Variants in CREBL2 observed in about 807,000 individuals in gnomAD.
CREBL2 encodes cAMP-responsive element-binding protein-like 2.
A neutral mutation model predicts 19.5 loss-of-function variants in CREBL2; 4 were observed. The observed-to-expected ratio is 0.20, with a 90% confidence interval of 0.10 to 0.47. The LOEUF is 0.47. Ranked by LOEUF, CREBL2 falls within the 20% of genes least tolerant of loss-of-function variation. CREBL2 has a pLI of 0.98. For synonymous variants in CREBL2, 42 were observed against 46.6 expected (o/e 0.90, Z 0.40); for missense variants, 85 against 145.1 (o/e 0.59, Z 2.13).
chr12:12,637,550 TA>T lies in CREBL2; in HGVS notation c.214-16del. On this transcript the variant is annotated intron_variant, in intron 2 of 3. Transcript: ENST00000228865. The stretch of plus-strand genomic sequence containing the variant: ...TATGTTTTAAATTTATATTTATATT[TA>T]AAATTAAATATGTTTCAGTACAAGC... 1 of 1,307,108 alleles carries T rather than the reference TA, an allele frequency of 7.7e-7. No homozygotes were observed. The highest frequency in any genetic ancestry group is 9.8e-7 in the Non-Finnish European group (1 of 1,015,548). The allele number at this position is 1,307,108 out of a possible 1,614,324, so 81.0% of individuals were successfully genotyped here. A position where few individuals can be genotyped will look rare whatever the true frequency, so the allele number is the denominator to read the frequency against.
chr12:12,627,365 A>G (rs966684013), intron 1 of CREBL2, among the ~76,000 whole-genome samples: 25 of 152,220 alleles, frequency 1.6e-4, no homozygotes, highest in Non-Finnish European at 8.8e-5. Flanking sequence ...TGATTTAAAA[A>G]AGAAAAAAAG....
intron 1 of CREBL2, among the ~76,000 whole-genome samples, chr12:12,635,099 G>A (rs1213840562): frequency 6.6e-6 from 1 of 151,928 alleles, no homozygotes; most frequent in African/African-American, 2.4e-5. Flanking sequence ...CTGGCACCAT[G>A]GCTTACTCCT....
intron 1 of CREBL2, among the ~76,000 whole-genome samples, chr12:12,617,676 T>TTTTTTTTTTTTTTTC (rs1945322182): frequency 7.9e-6 from 1 of 127,094 alleles, no homozygotes; most frequent in Non-Finnish European, 1.7e-5. Context: ...TTTTTTTTTT[T>TTTTTTTTTTTTTTTC]TTTTTAGTAT....
intron 3 of CREBL2, among the ~76,000 whole-genome samples, chr12:12,641,730 C>G (rs1309445665): frequency 1.3e-5 from 2 of 152,108 alleles, no homozygotes; most frequent in Non-Finnish European, 1.5e-5. Context: ...ATATCAGACT[C>G]CACCACTATA....
At chr12:12,637,233 T>A (rs1286658320) in intron 2 of CREBL2, among the ~76,000 whole-genome samples, 1 of 148,772 alleles carries the variant, frequency 6.7e-6, no homozygotes. Context: ...TGACAATTAT[T>A]AAAAAAAAAA....
chr12:12,637,848 C>A, intron 3 of CREBL2, 134 bp downstream of exon 3: 3 of 964,610 alleles, frequency 3.1e-6, no homozygotes, highest in South Asian at 2.8e-5. Context: ...CAAGACCAGA[C>A]AGGGCAACAT....
intron 1 of CREBL2, among the ~76,000 whole-genome samples, chr12:12,631,442 GA>G (rs2136304435): frequency 6.6e-6 from 1 of 152,190 alleles, no homozygotes; most frequent in African/African-American, 2.4e-5. Flanking sequence ...ATTAGAACAG[GA>G]AAAAAAGCTA....
At chr12:12,617,087 A>T (rs988207288) in intron 1 of CREBL2, among the ~76,000 whole-genome samples, 1 of 152,196 alleles carries the variant, frequency 6.6e-6, no homozygotes, top group South Asian at 2.1e-4. Flanking sequence ...AGCTGGCTGG[A>T]GTGAGAGCAG....
At chr12:12,618,654 C>G (rs1235123078) in intron 1 of CREBL2, among the ~76,000 whole-genome samples, 4 of 152,200 alleles carry the variant, frequency 2.6e-5, no homozygotes, top group Non-Finnish European at 5.9e-5. Context: ...GCTGCAGTCT[C>G]GGCACTTTGG....
intron 1 of CREBL2, among the ~76,000 whole-genome samples, chr12:12,613,934 C>G (rs1171653997): frequency 2.0e-5 from 2 of 98,414 alleles, no homozygotes; most frequent in Non-Finnish European, 4.5e-5. Context: ...TTTTTTTTTG[C>G]TTTGAATATT....
At chr12:12,621,921 G>A (rs1037050936) in intron 1 of CREBL2, among the ~76,000 whole-genome samples, 11 of 152,202 alleles carry the variant, frequency 7.2e-5, no homozygotes, top group Non-Finnish European at 1.0e-4. Flanking sequence ...TGGCTATATG[G>A]AGAACAGATT....
intron 1 of CREBL2, among the ~76,000 whole-genome samples, chr12:12,632,094 T>C (rs1945446231): frequency 9.0e-6 from 1 of 111,440 alleles, no homozygotes; most frequent in African/African-American, 3.3e-5. Flanking sequence ...TTTTTTTTTT[T>C]TGAGACGGAG....
chr12:12,640,719 G>A (rs749176955), intron 3 of CREBL2, among the ~76,000 whole-genome samples: 4 of 152,244 alleles, frequency 2.6e-5, no homozygotes, highest in East Asian at 3.9e-4. Flanking sequence ...GGCTCCAGCC[G>A]GTCCCTCTGT....
chr12:12,617,089 T>C (rs1592236987), intron 1 of CREBL2, among the ~76,000 whole-genome samples: 1 of 152,240 alleles, frequency 6.6e-6, no homozygotes, highest in South Asian at 2.1e-4. Context: ...CTGGCTGGAG[T>C]GAGAGCAGGA....
intron 1 of CREBL2, among the ~76,000 whole-genome samples, chr12:12,630,277 T>C (rs144192134): frequency 5.0e-4 from 76 of 152,308 alleles, no homozygotes; most frequent in African/African-American, 1.5e-3. Flanking sequence ...TGTCTTGTTA[T>C]TGCTATAGAT....
At chr12:12,631,245 G>C (rs994937471) in intron 1 of CREBL2, among the ~76,000 whole-genome samples, 1 of 152,150 alleles carries the variant, frequency 6.6e-6, no homozygotes, top group African/African-American at 2.4e-5. Context: ...CTGGCTAGCG[G>C]GTTTCTTTTC....
At chr12:12,615,376 T>TTTA (rs1945302823) in intron 1 of CREBL2, 1 of 150,224 alleles carries the variant, frequency 6.7e-6, no homozygotes, top group African/African-American at 2.5e-5. Flanking sequence ...TTTTTTTTTT[T>TTTA]AACAGAGACA....
At position 12,635,956 on chromosome 12, in the gene CREBL2, C is replaced by T; in HGVS notation, c.195C>T (p.Leu65=). ...GTCGAGAAAGAGCTATATGTGCCCTCAGAGAGGAACTGGAAATGGTAAGAA... is the reference window on the plus strand; with the variant it reads ...GTCGAGAAAGAGCTATATGTGCCCTTAGAGAGGAACTGGAAATGGTAAGAA... ...VSSRERAICA[L]REELEMYKQW... Residue 65 remains leucine (L), a synonymous_variant, in exon 2 of 4, where the codon CTC becomes CTT. Coordinates refer to ENST00000228865, the MANE Select transcript of CREBL2 (RefSeq NM_001310.4). 1 of 1,613,580 alleles carries T rather than the reference C, an allele frequency of 6.2e-7. No homozygotes were observed. Among genetic ancestry groups the T allele is most frequent in the Non-Finnish European group, 8.5e-7 (1 of 1,179,856 alleles).
At chr12:12,636,179 T>A (rs1387525059) in intron 2 of CREBL2, among the ~76,000 whole-genome samples, 1 of 152,052 alleles carries the variant, frequency 6.6e-6, no homozygotes, top group Non-Finnish European at 1.5e-5. Flanking sequence ...CACTAAGGGA[T>A]TGTTTATGAG....
Sources: gnomAD v4.1 joint callset for allele counts (sites outside exome capture counted in the v4.1 genomes callset) on GRCh38, gnomAD v4.1.1 for gene constraint, MANE v1.5 for transcripts, NCBI Gene and HGNC (gene_info 2026-07-23, HGNC 2026-07-21) for gene names.